PUDP: variants seen among roughly 807,000 people sequenced by gnomAD.
The protein encoded by PUDP is pseudouridine-5'-phosphatase.
In PUDP, 8 loss-of-function variants were observed where a neutral mutation model predicts 9.4. The observed-to-expected ratio is 0.85, with a 90% CI of 0.50 to 1.53. The LOEUF (loss-of-function observed/expected upper bound fraction) is 1.53. Among genes scored for constraint, PUDP ranks in the 40% most tolerant of loss-of-function variants. The pLI is 0.00. For synonymous variants in PUDP, 99 were observed against 80.7 expected (o/e 1.23, Z -1.22); for missense variants, 188 against 189.7 (o/e 0.99, Z 0.05).
chrX:6,868,857 G>A (rs1249406189), intron 3 of PUDP, among the ~76,000 whole-genome samples: 1 of 112,023 alleles, frequency 8.9e-6, no homozygotes, highest in African/African-American at 3.2e-5. Flanking sequence ...TATGGGGTGA[G>A]CATCTCAGTC....
rs181206456 is a variant in PUDP, at chrX:6,797,502, G to A, written c.*248-91036C>T. Among the ~76,000 whole-genome samples, 3 of 111,648 alleles carry A rather than the reference G, an allele frequency of 2.7e-5. No homozygotes were observed. In the East Asian group the frequency reaches 8.5e-4, roughly 31 times the overall value. On this transcript the variant is annotated intron_variant and NMD_transcript_variant, in intron 3 of 3. Transcript: ENST00000655425. ...TGGGTCATTCATCCTGAAGAAAGAT[G>A]GCAGCCATCTTGTAAGGACACTTAA...
chrX:7,034,340 T>C (rs1929827206), intron 1 of PUDP, among the ~76,000 whole-genome samples: 1 of 112,158 alleles, frequency 8.9e-6, no homozygotes, highest in Admixed American at 9.4e-5. Flanking sequence ...AAATGTGCTT[T>C]CTGGATTCAC....
intron 1 of PUDP, among the ~76,000 whole-genome samples, chrX:7,002,258 G>T (rs761612898): frequency 8.9e-6 from 1 of 112,074 alleles, no homozygotes; most frequent in African/African-American, 3.2e-5. Context: ...ATACTCATCA[G>T]ATTGGCAGAA....
chrX:6,773,279 C>T (rs1483937311), intron 3 of PUDP, among the ~76,000 whole-genome samples: 3 of 112,137 alleles, frequency 2.7e-5, no homozygotes, highest in Non-Finnish European at 5.6e-5. Flanking sequence ...TGCTTCTTTT[C>T]CACATTTTCT....
chrX:6,805,682 G>A (rs1019485786), intron 3 of PUDP, among the ~76,000 whole-genome samples: 1 of 108,293 alleles, frequency 9.2e-6, no homozygotes, highest in Non-Finnish European at 1.9e-5. Context: ...ACTACACGGG[G>A]CTAATTTTTT....
intron 1 of PUDP, among the ~76,000 whole-genome samples, chrX:7,108,743 G>A (rs899259539): frequency 8.9e-6 from 1 of 112,002 alleles, no homozygotes; most frequent in Admixed American, 9.4e-5. Context: ...TGTAGACATG[G>A]GATGCCTTGC....
chrX:7,021,610 G>A (rs887770065), intron 1 of PUDP, among the ~76,000 whole-genome samples: 1 of 111,943 alleles, frequency 8.9e-6, no homozygotes, highest in African/African-American at 3.3e-5. Flanking sequence ...TGGGCTCTCA[G>A]GTTTATCATT....
intron 3 of PUDP, among the ~76,000 whole-genome samples, chrX:6,911,254 G>A (rs1412011967): frequency 1.9e-5 from 2 of 105,238 alleles, no homozygotes; most frequent in Non-Finnish European, 1.9e-5. Flanking sequence ...GGAGTGCAAT[G>A]GTATGATCTC....
chrX:6,733,311 C>A (rs1924833540), intron 3 of PUDP, among the ~76,000 whole-genome samples: 1 of 111,515 alleles, frequency 9.0e-6, no homozygotes, highest in Non-Finnish European at 1.9e-5. Flanking sequence ...AAGACCAGAC[C>A]AGAGCAGCCA....
At chrX:6,708,175 C>T (rs192433793) in intron 1 of PUDP, among the ~76,000 whole-genome samples, 152 of 111,918 alleles carry the variant, frequency 1.4e-3, no homozygotes, top group African/African-American at 4.8e-3. Flanking sequence ...TGTCTGTTTC[C>T]ACATTCCTGA....
chrX:6,711,983 C>T (rs891023145), intron 1 of PUDP, among the ~76,000 whole-genome samples: 4 of 111,861 alleles, frequency 3.6e-5, no homozygotes, highest in African/African-American at 1.3e-4. Flanking sequence ...TGTTTCTTTC[C>T]TGGAGTCAGC....
intron 3 of PUDP, among the ~76,000 whole-genome samples, chrX:6,886,370 T>G (rs12688364): frequency 0.11 from 12,588 of 111,672 alleles, 762 homozygotes; most frequent in East Asian, 0.46. Flanking sequence ...CTGTTTACTT[T>G]GGAAATAACA....
intron 1 of PUDP, among the ~76,000 whole-genome samples, chrX:7,029,240 C>T (rs1929760439): frequency 8.9e-6 from 1 of 111,884 alleles, no homozygotes; most frequent in South Asian, 3.8e-4. Context: ...AAAGATTGGA[C>T]TCCGTTGCCT....
chrX:7,111,665 G>C (rs1179261989), intron 1 of PUDP, among the ~76,000 whole-genome samples: 1 of 111,485 alleles, frequency 9.0e-6, no homozygotes, highest in Non-Finnish European at 1.9e-5. Flanking sequence ...CCTATAAAAT[G>C]AGGATCCTAT....
chrX:6,901,686 G>A (rs1430795523), intron 3 of PUDP, among the ~76,000 whole-genome samples: 3 of 112,531 alleles, frequency 2.7e-5, no homozygotes, highest in Admixed American at 1.9e-4. Flanking sequence ...TGGGTGCGAT[G>A]CATCACTCTA....
intron 3 of PUDP, among the ~76,000 whole-genome samples, chrX:6,746,986 G>A (rs1925007227): frequency 9.0e-6 from 1 of 111,038 alleles, no homozygotes; most frequent in African/African-American, 3.3e-5. Flanking sequence ...TTGAGGAATC[G>A]CCACACTGTC....
At chrX:6,832,899 C>T (rs938949716) in intron 3 of PUDP, among the ~76,000 whole-genome samples, 2 of 110,888 alleles carry the variant, frequency 1.8e-5, no homozygotes, top group African/African-American at 3.3e-5. Context: ...TAGCACAAAC[C>T]GGAGCTGAAT....
intron 3 of PUDP, among the ~76,000 whole-genome samples, chrX:6,776,269 T>C (rs1353298076): frequency 9.1e-6 from 1 of 110,466 alleles, no homozygotes; most frequent in Non-Finnish European, 1.9e-5. Flanking sequence ...TGGTGGCTCA[T>C]GCCTGTAAAC....
rs1555909727 is a variant in PUDP at position 6,775,504 on chromosome X, T to TACACACACAC, written c.*248-69048_*248-69039dup. On this transcript the variant is annotated intron_variant and NMD_transcript_variant, in intron 3 of 3. Transcript: ENST00000655425. The stretch of plus-strand genomic sequence containing the variant: ...ATAGATACACACATATACACACACA[T>TACACACACAC]ACACACACACACACACACACACATA... 5.9e-5 allele frequency among the ~76,000 whole-genome samples: 6 copies of TACACACACAC among 100,844 alleles called. No individual in the cohort carries two copies. In the East Asian group the frequency reaches 1.8e-3, roughly 31 times the overall value. 87.6% of individuals were successfully genotyped at this position (100,844 alleles called of 115,157 possible).
Sources: gnomAD v4.1 joint callset for allele counts (sites outside exome capture counted in the v4.1 genomes callset) on GRCh38, gnomAD v4.1.1 for gene constraint, MANE v1.5 for transcripts, NCBI Gene and HGNC (gene_info 2026-07-23, HGNC 2026-07-21) for gene names.